Variants in LHFPL2 observed in about 807,000 individuals in gnomAD.
LHFPL2 encodes the protein LHFPL tetraspan subfamily member 2 protein.
In LHFPL2, 7 loss-of-function variants were observed where a neutral mutation model predicts 17.5. The ratio of observed to expected loss-of-function variants is 0.40; its 90% CI spans 0.23 to 0.75. The LOEUF is 0.75. Ranked by LOEUF, LHFPL2 falls within the 30% of genes least tolerant of loss-of-function variation. The pLI, the probability that LHFPL2 is intolerant of heterozygous loss-of-function variation, is 0.37. For missense variants in LHFPL2, 241 were observed against 294.8 expected, an observed-to-expected ratio of 0.82 and a Z score of 1.34; for synonymous variants, 134 against 116.2, an observed-to-expected ratio of 1.15 and a Z score of -0.99.
At chr5:78,613,552 T>G (rs932843805) in intron 2 of LHFPL2, among the ~76,000 whole-genome samples, 8 of 146,464 alleles carry the variant, frequency 5.5e-5, no homozygotes, top group Non-Finnish European at 1.1e-4. Context: ...TTAAATGTAT[T>G]AATGAATGGG....
intron 3 of LHFPL2, among the ~76,000 whole-genome samples, chr5:78,558,788 T>G (rs1561338808): frequency 6.6e-6 from 1 of 152,206 alleles, no homozygotes; most frequent in Non-Finnish European, 1.5e-5. Flanking sequence ...TGAGAAGAGA[T>G]CTTTTCCACC....
chr5:78,604,735 TGAC>T (rs942660995), intron 2 of LHFPL2, among the ~76,000 whole-genome samples: 21 of 152,368 alleles, frequency 1.4e-4, no homozygotes, highest in Non-Finnish European at 2.9e-4. Context: ...TGTAGCTTCT[TGAC>T]GGCTGGCTTT....
chr5:78,529,768 C>A (rs1328387297), intron 3 of LHFPL2, among the ~76,000 whole-genome samples: 3 of 152,188 alleles, frequency 2.0e-5, no homozygotes, highest in Non-Finnish European at 4.4e-5. Flanking sequence ...GGAAGGAAAT[C>A]ATCTGACAGA....
intron 2 of LHFPL2, among the ~76,000 whole-genome samples, chr5:78,568,629 T>C (rs561584250): frequency 2.0e-5 from 3 of 152,310 alleles, no homozygotes; most frequent in African/African-American, 7.2e-5. Context: ...GAATTTCAGC[T>C]GAATGAAGAA....
chr5:78,571,036 A>G (rs1034587356), intron 2 of LHFPL2, among the ~76,000 whole-genome samples: 1 of 152,148 alleles, frequency 6.6e-6, no homozygotes, highest in African/African-American at 2.4e-5. Flanking sequence ...GAACACTCTC[A>G]TGGAGGCATC....
chr5:78,627,309 T>G (rs575023502), intron 2 of LHFPL2, among the ~76,000 whole-genome samples: 41 of 152,170 alleles, frequency 2.7e-4, no homozygotes, highest in Non-Finnish European at 5.1e-4. Context: ...TGCCTAGGGC[T>G]GTGTCAGACA....
chr5:78,633,826 G>A (rs887377170), intron 1 of LHFPL2, among the ~76,000 whole-genome samples: 1 of 152,122 alleles, frequency 6.6e-6, no homozygotes, highest in African/African-American at 2.4e-5. Flanking sequence ...AAGGGAACTC[G>A]AGCTTCAAGG....
intron 3 of LHFPL2, among the ~76,000 whole-genome samples, chr5:78,556,244 T>C (rs894450249): frequency 1.3e-5 from 2 of 152,228 alleles, no homozygotes; most frequent in African/African-American, 4.8e-5. Context: ...AAATTATGCA[T>C]TCCAATAAAC....
At chr5:78,494,363 T>C (rs573649046) in intron 4 of LHFPL2, 1 of 985,322 alleles carries the variant, frequency 1.0e-6, no homozygotes, top group Admixed American at 6.1e-5. Context: ...GCTGCTCACC[T>C]CTGCGATGGC....
At chr5:78,642,621 C>CTAG (rs1745711161) in intron 1 of LHFPL2, among the ~76,000 whole-genome samples, 1 of 152,140 alleles carries the variant, frequency 6.6e-6, no homozygotes, top group East Asian at 1.9e-4. Context: ...GGGAGGCCTC[C>CTAG]CTACAAACAC....
chr5:78,576,179 C>T (rs980600742), intron 2 of LHFPL2, among the ~76,000 whole-genome samples: 2 of 152,056 alleles, frequency 1.3e-5, no homozygotes, highest in African/African-American at 4.8e-5. Flanking sequence ...CCTGTAGTCC[C>T]AGCTACTCCG....
At chr5:78,523,246 C>T (rs1755513513) in intron 3 of LHFPL2, among the ~76,000 whole-genome samples, 1 of 152,094 alleles carries the variant, frequency 6.6e-6, no homozygotes, top group African/African-American at 2.4e-5. Context: ...TAAAACTCAC[C>T]TTATGTTCTC....
intron 4 of LHFPL2, among the ~76,000 whole-genome samples, chr5:78,498,350 G>A (rs1343026456): frequency 6.6e-6 from 1 of 152,180 alleles, no homozygotes; most frequent in East Asian, 1.9e-4. Flanking sequence ...TGGTGACTGA[G>A]TAATAAGCAG....
intron 3 of LHFPL2, among the ~76,000 whole-genome samples, chr5:78,555,113 G>A (rs1285780555): frequency 6.6e-6 from 1 of 152,148 alleles, no homozygotes; most frequent in Admixed American, 6.5e-5. Flanking sequence ...AATGCATATT[G>A]AAATATGGAA....
chr5:78,581,198 C>T (rs185903514), intron 2 of LHFPL2, among the ~76,000 whole-genome samples: 498 of 151,996 alleles, frequency 3.3e-3, no homozygotes, highest in Non-Finnish European at 5.0e-3. Context: ...CATTGATTGA[C>T]GATGGGGTTT....
chr5:78,641,821 A>T (rs1194091884), intron 1 of LHFPL2, among the ~76,000 whole-genome samples: 1 of 152,076 alleles, frequency 6.6e-6, no homozygotes, highest in Non-Finnish European at 1.5e-5. Flanking sequence ...GTAGACATAC[A>T]CAAAACTAGT....
chr5:78,595,767 T>C (rs1743803994), intron 2 of LHFPL2, among the ~76,000 whole-genome samples: 1 of 152,140 alleles, frequency 6.6e-6, no homozygotes. Context: ...CCTCCTGCCT[T>C]TGCCTCCCAA....
At chr5:78,540,796 G>A (rs1349323166) in intron 3 of LHFPL2, among the ~76,000 whole-genome samples, 4 of 152,240 alleles carry the variant, frequency 2.6e-5, no homozygotes, top group Non-Finnish European at 4.4e-5. Context: ...GCTCTCTGGG[G>A]CTGGTTTGGA....
chr5:78,626,454 A>G (rs1221657702), intron 2 of LHFPL2: 1 of 152,258 alleles, frequency 6.6e-6, no homozygotes, highest in East Asian at 1.9e-4. Context: ...ATTCACGTAC[A>G]GGATACGGAG....
Sources: allele counts gnomAD v4.1 joint callset (sites outside exome capture counted in the v4.1 genomes callset), GRCh38; gene constraint gnomAD v4.1.1; transcripts MANE v1.5; gene names NCBI Gene and HGNC (gene_info 2026-07-23, HGNC 2026-07-21).